PTPRD: variants seen among roughly 807,000 people sequenced by gnomAD.
The protein encoded by PTPRD is protein tyrosine phosphatase receptor type D, also known as receptor-type tyrosine-protein phosphatase delta.
Under a neutral mutation model 214.5 loss-of-function variants are expected in PTPRD, and 34 were observed. That is an observed-to-expected ratio of 0.16 (90% CI 0.12 to 0.21). The LOEUF is 0.21. Among genes scored for constraint, PTPRD ranks in the 10% least tolerant of loss-of-function variants. The pLI is 1.00. For missense variants in PTPRD, 2,545 were observed against 2,398.7 expected, an observed-to-expected ratio of 1.06 and a Z score of -1.27; for synonymous variants, 1,128 against 845.7, an observed-to-expected ratio of 1.33 and a Z score of -5.79.
At chr9:8,867,083 A>G (rs763545456) in intron 11 of PTPRD, among the ~76,000 whole-genome samples, 10 of 152,162 alleles carry the variant, frequency 6.6e-5, no homozygotes, top group Non-Finnish European at 1.5e-4. Context: ...TGTGTTTGGG[A>G]AGGGAACAAA....
At chr9:9,878,167 A>C (rs527775150) in intron 5 of PTPRD, among the ~76,000 whole-genome samples, 1 of 152,236 alleles carries the variant, frequency 6.6e-6, no homozygotes, top group South Asian at 2.1e-4. Flanking sequence ...AGTATGCTTA[A>C]TTTTATTGAA....
chr9:9,434,866 T>A (rs1235674736), intron 8 of PTPRD, among the ~76,000 whole-genome samples: 7 of 148,494 alleles, frequency 4.7e-5, no homozygotes, highest in African/African-American at 1.7e-4. Flanking sequence ...ATATAATCTA[T>A]AATATATATT....
chr9:10,353,296 A>G (rs2154459735), intron 2 of PTPRD, among the ~76,000 whole-genome samples: 1 of 152,080 alleles, frequency 6.6e-6, no homozygotes, highest in African/African-American at 2.4e-5. Flanking sequence ...AAAAACTTAC[A>G]ATAATGGTCC....
intron 36 of PTPRD, among the ~76,000 whole-genome samples, chr9:8,395,687 T>G (rs149122893): frequency 5.4e-4 from 82 of 152,012 alleles, no homozygotes; most frequent in Admixed American, 1.1e-3. Flanking sequence ...AACCCCACAG[T>G]GAGCTAATGG....
At chr9:9,711,313 T>A (rs919393835) in intron 7 of PTPRD, among the ~76,000 whole-genome samples, 3 of 152,160 alleles carry the variant, frequency 2.0e-5, no homozygotes, top group Non-Finnish European at 4.4e-5. Flanking sequence ...GGTTTCCTAA[T>A]ATGTTGTTTC....
chr9:8,570,578 C>T (rs2090826844), intron 14 of PTPRD, among the ~76,000 whole-genome samples: 1 of 151,896 alleles, frequency 6.6e-6, no homozygotes, highest in Non-Finnish European at 1.5e-5. Flanking sequence ...TTTTTTTACA[C>T]CAATGACTGC....
intron 7 of PTPRD, among the ~76,000 whole-genome samples, chr9:9,661,190 G>C (rs555180954): frequency 6.6e-6 from 1 of 151,834 alleles, no homozygotes; most frequent in Non-Finnish European, 1.5e-5. Context: ...AAATATTCAA[G>C]GTGGACCTGT....
intron 10 of PTPRD, among the ~76,000 whole-genome samples, chr9:9,141,879 GA>G (rs1404600309): frequency 3.9e-5 from 6 of 151,976 alleles, no homozygotes; most frequent in Non-Finnish European, 8.8e-5. Context: ...TGGGCCATGG[GA>G]ATCGTGGAGG....
chr9:9,769,360 G>C (rs900813995), intron 5 of PTPRD, among the ~76,000 whole-genome samples: 4 of 104,698 alleles, frequency 3.8e-5, no homozygotes, highest in Admixed American at 1.6e-4. Context: ...GAGTCTCACT[G>C]TGTCACCTAG....
At chr9:9,089,544 T>C (rs951061025) in intron 10 of PTPRD, among the ~76,000 whole-genome samples, 2 of 152,244 alleles carry the variant, frequency 1.3e-5, no homozygotes, top group Non-Finnish European at 2.9e-5. Flanking sequence ...TACTAACTCA[T>C]AGTATGCAAG....
chr9:8,756,869 T>C (rs2094026206), intron 11 of PTPRD, among the ~76,000 whole-genome samples: 1 of 152,048 alleles, frequency 6.6e-6, no homozygotes, highest in Non-Finnish European at 1.5e-5. Flanking sequence ...GGCCAGGCGC[T>C]GTGGCTCAAG....
chr9:9,684,109 C>A (rs2097125866), intron 7 of PTPRD, among the ~76,000 whole-genome samples: 1 of 151,518 alleles, frequency 6.6e-6, no homozygotes, highest in African/African-American at 2.4e-5. Context: ...GCCACTTACA[C>A]CTTGTTCAAC....
chr9:10,365,952 T>C (rs2097507023), intron 2 of PTPRD, among the ~76,000 whole-genome samples: 1 of 152,166 alleles, frequency 6.6e-6, no homozygotes. Context: ...TAGTCATGCC[T>C]TTCCAGAGGG....
chr9:9,072,653 T>A (rs923688958), intron 10 of PTPRD, among the ~76,000 whole-genome samples: 1 of 152,238 alleles, frequency 6.6e-6, no homozygotes, highest in African/African-American at 2.4e-5. Flanking sequence ...ATCATGTCAC[T>A]GAGTCTTCAT....
At chr9:8,477,343 A>G (rs1299721338) in intron 30 of PTPRD, among the ~76,000 whole-genome samples, 1 of 152,168 alleles carries the variant, frequency 6.6e-6, no homozygotes, top group Non-Finnish European at 1.5e-5. Context: ...TTTTCCCAGT[A>G]TATTAGATTT....
At chr9:9,431,623 T>C (rs1479970310) in intron 8 of PTPRD, among the ~76,000 whole-genome samples, 1 of 152,134 alleles carries the variant, frequency 6.6e-6, no homozygotes, top group Admixed American at 6.5e-5. Context: ...ATTGTGGCAC[T>C]ATTCACAATA....
intron 30 of PTPRD, among the ~76,000 whole-genome samples, chr9:8,473,683 C>T (rs1051579284): frequency 6.6e-6 from 1 of 151,340 alleles, no homozygotes; most frequent in Non-Finnish European, 1.5e-5. Context: ...CATTCTTGTA[C>T]ATGAAAAAAA....
intron 5 of PTPRD, among the ~76,000 whole-genome samples, chr9:9,934,262 A>C (rs1487460797): frequency 6.8e-6 from 1 of 146,044 alleles, no homozygotes. Context: ...GACACAAAAA[A>C]CCCTTCAAAA....
chr9:8,456,252 T>C (rs529386794), intron 33 of PTPRD, among the ~76,000 whole-genome samples: 12 of 152,228 alleles, frequency 7.9e-5, no homozygotes, highest in African/African-American at 2.9e-4. Flanking sequence ...AGTAACGCAG[T>C]AGGTTCTACA....
Sources: allele counts gnomAD v4.1 joint callset (sites outside exome capture counted in the v4.1 genomes callset), GRCh38; gene constraint gnomAD v4.1.1; transcripts MANE v1.5; gene names NCBI Gene and HGNC (gene_info 2026-07-23, HGNC 2026-07-21).